The following DOP1A variants were observed in gnomAD, a reference collection of about 807,000 sequenced individuals.
The protein encoded by DOP1A is DOP1 leucine zipper like protein A, also known as protein DOP1A.
Under a neutral mutation model 267.6 loss-of-function variants are expected in DOP1A, and 90 were observed. The ratio of observed to expected loss-of-function variants is 0.34; its 90% CI spans 0.28 to 0.40. The LOEUF (loss-of-function observed/expected upper bound fraction) is 0.40, where lower values mean the gene tolerates loss of function less well. DOP1A is among the 10% of genes least tolerant of loss of function. DOP1A has a pLI of 1.00. For missense variants in DOP1A, 2,437 were observed against 2,900.4 expected (o/e 0.84, Z 3.67); for synonymous variants, 932 against 999.1 (o/e 0.93, Z 1.27).
At chr6:83,141,852 C>T (rs754150813) in intron 23 of DOP1A, 69 bp from the exon 24 acceptor site, 13 of 1,505,464 alleles carry the variant, frequency 8.6e-6, no homozygotes, top group African/African-American at 2.8e-5. Flanking sequence ...AAACCAAAAA[C>T]GCAGTCTAGT....
chr6:83,115,417 GTTT>G (rs1372350777), intron 7 of DOP1A, among the ~76,000 whole-genome samples: 1 of 152,148 alleles, frequency 6.6e-6, no homozygotes, highest in African/African-American at 2.4e-5. Context: ...ACTCTGAGCA[GTTT>G]TTAAGAATAC....
chr6:83,139,115 T>A lies in DOP1A; in HGVS notation c.5073T>A (p.Asp1691Glu). ...SVTLQLCRNL[D>E]NLIQQYKYET... ...CACTACAACTGTGCAGAAATTTAGA[T>A]AATCTAATTCAGCAGTACAAATACG... The change falls in exon 21 of 39, where the codon GAT becomes GAA. Residue 1691 changes from aspartate to glutamate, a missense_variant. Physicochemically the swap from Asp to Glu is conservative, Grantham distance 45. Around this residue, in one of 9 missense-constraint regions of DOP1A, gnomAD observed 307 missense variants for 308.6 expected, o/e 0.99. Transcript: ENST00000349129. 1 of 1,613,902 alleles carries A rather than the reference T, an allele frequency of 6.2e-7. No individual in the cohort carries two copies. Among genetic ancestry groups the A allele is most frequent in the Non-Finnish European group, 8.5e-7 (1 of 1,179,836 alleles).
chr6:83,083,399 G>C (rs932477338), intron 1 of DOP1A, among the ~76,000 whole-genome samples: 3 of 150,588 alleles, frequency 2.0e-5, no homozygotes, highest in Non-Finnish European at 4.4e-5. Context: ...ATGTCATGCA[G>C]GAGAATTAAG....
At chr6:83,086,018 G>T (rs1254849228) in intron 1 of DOP1A, among the ~76,000 whole-genome samples, 1 of 152,074 alleles carries the variant, frequency 6.6e-6, no homozygotes, top group Non-Finnish European at 1.5e-5. Flanking sequence ...AAAGTGGCAG[G>T]TATAGATTTA....
At chr6:83,136,752 T>C (rs1282743965) in intron 20 of DOP1A, among the ~76,000 whole-genome samples, 1 of 152,142 alleles carries the variant, frequency 6.6e-6, no homozygotes, top group Admixed American at 6.6e-5. Context: ...AACTGTCTGC[T>C]GAATTCTCAC....
chr6:83,124,356 C>T (rs186243882), intron 12 of DOP1A, among the ~76,000 whole-genome samples: 3 of 152,100 alleles, frequency 2.0e-5, no homozygotes, highest in East Asian at 3.9e-4. Context: ...ACAAATGAGC[C>T]TATTTTAAGA....
chr6:83,136,657 T>G lies in DOP1A; in HGVS notation c.3131-516T>G, dbSNP rs959649567. ...AGAGTCTTGGTTCCTCTCTCTGGCTTCTTTTCTATTCCTTCTTCTGAATCT... is the reference window on the plus strand; with the variant it reads ...AGAGTCTTGGTTCCTCTCTCTGGCTGCTTTTCTATTCCTTCTTCTGAATCT... On this transcript the variant is annotated intron_variant, in intron 20 of 38. Coordinates refer to ENST00000349129, the MANE Select transcript of DOP1A (RefSeq NM_015018.4). Among the ~76,000 whole-genome samples, 14 of 152,132 alleles carry G rather than the reference T, an allele frequency of 9.2e-5. 1 individual carries two copies. Among genetic ancestry groups the G allele is most frequent in the African/African-American group, 3.4e-4 (14 of 41,452 alleles).
intron 1 of DOP1A, chr6:83,072,958 GA>G: frequency 5.6e-6 from 2 of 355,314 alleles, no homozygotes; most frequent in South Asian, 2.2e-5. Flanking sequence ...GCTGGCCTGT[GA>G]AAAAATAGAA....
intron 12 of DOP1A, among the ~76,000 whole-genome samples, chr6:83,123,305 T>C (rs1238458896): frequency 6.6e-6 from 1 of 152,012 alleles, no homozygotes; most frequent in Non-Finnish European, 1.5e-5. Context: ...TCAGCACACT[T>C]TTCCAAAAGG....
At chr6:83,075,270 A>C (rs1004632798) in intron 1 of DOP1A, among the ~76,000 whole-genome samples, 1 of 152,194 alleles carries the variant, frequency 6.6e-6, no homozygotes, top group East Asian at 1.9e-4. Flanking sequence ...TGGGTCAGGC[A>C]CTTTTCTAGG....
At chr6:83,124,633 G>A in intron 12 of DOP1A, 72 bp from the exon 13 acceptor site, 1 of 1,080,856 alleles carries the variant, frequency 9.3e-7, no homozygotes, top group Non-Finnish European at 1.4e-6. Flanking sequence ...TTCATTAGAA[G>A]GATGATGATG....
chr6:83,126,689 T>C (rs1308962386), intron 15 of DOP1A, among the ~76,000 whole-genome samples: 1 of 151,954 alleles, frequency 6.6e-6, no homozygotes. Flanking sequence ...CTTAGAGGAA[T>C]TGGTGTGGTG....
intron 1 of DOP1A, among the ~76,000 whole-genome samples, chr6:83,076,859 A>C (rs1019387904): frequency 3.9e-5 from 6 of 152,250 alleles, no homozygotes; most frequent in Non-Finnish European, 7.3e-5. Flanking sequence ...CAAGAGGTAG[A>C]AACAACCTAT....
At chr6:83,122,801 T>A in intron 11 of DOP1A, 62 bp from the exon 12 acceptor site, 1 of 1,291,082 alleles carries the variant, frequency 7.7e-7, no homozygotes, top group South Asian at 1.8e-5. Context: ...GCACTCAAAT[T>A]TAAATTTGAA....
At chr6:83,087,493 A>G (rs963632454) in intron 1 of DOP1A, among the ~76,000 whole-genome samples, 1 of 152,110 alleles carries the variant, frequency 6.6e-6, no homozygotes, top group Non-Finnish European at 1.5e-5. Flanking sequence ...AAGATTCCAC[A>G]CTCTTTACCC....
At chr6:83,093,635 C>T (rs1770885489) in intron 1 of DOP1A, among the ~76,000 whole-genome samples, 1 of 152,196 alleles carries the variant, frequency 6.6e-6, no homozygotes, top group African/African-American at 2.4e-5. Context: ...GGGCTGGGCA[C>T]AGTGGCTCAC....
intron 21 of DOP1A, among the ~76,000 whole-genome samples, chr6:83,139,599 A>C (rs1313117719): frequency 6.6e-6 from 1 of 152,156 alleles, no homozygotes; most frequent in African/African-American, 2.4e-5. Context: ...ATTCGATCTG[A>C]GTCTCTATGC....
Position 83,129,492 on chromosome 6 carries a change from T to C in DOP1A, c.2325T>C (p.Ser775=). ...AEGNHTSELR[S]EKLETDCEHV... The stretch of plus-strand genomic sequence containing the variant: ...GGAACCATACATCAGAGTTACGTTC[T>C]GAAAAATTGGAGACTGGTAAGGTCA... Residue 775 remains serine, a synonymous_variant, in exon 16 of 39, where the codon TCT becomes TCC. Coordinates refer to ENST00000349129, the MANE Select transcript of DOP1A (RefSeq NM_015018.4). 1.3e-6 allele frequency: 2 copies of C among 1,528,912 alleles called. No individual in the cohort carries two copies. 94.7% of individuals were successfully genotyped at this position (1,528,912 alleles called of 1,614,324 possible).
chr6:83,121,729 A>G (rs1283240200), intron 10 of DOP1A, among the ~76,000 whole-genome samples: 1 of 151,810 alleles, frequency 6.6e-6, no homozygotes, highest in Non-Finnish European at 1.5e-5. Context: ...TATTGTGTCA[A>G]CCTGCACTTT....
Sources: allele counts gnomAD v4.1 joint callset (sites outside exome capture counted in the v4.1 genomes callset), GRCh38; gene constraint gnomAD v4.1.1; regional missense constraint gnomAD v4.1.1; transcripts MANE v1.5; gene names NCBI Gene and HGNC (gene_info 2026-07-23, HGNC 2026-07-21).